Variants in ENTREP2 observed in about 807,000 individuals in gnomAD.
ENTREP2 encodes the protein endosomal transmembrane epsin interactor 2.
chr15:29,124,370 T>G, the ENTREP2 span, among the ~76,000 whole-genome samples: 1 of 152,266 alleles, frequency 6.6e-6, no homozygotes, highest in African/African-American at 2.4e-5. Flanking sequence ...TGGTGTCTTG[T>G]TTGGTGGCAA....
chr15:29,386,980 T>C, the ENTREP2 span, among the ~76,000 whole-genome samples: 4 of 152,342 alleles, frequency 2.6e-5, no homozygotes, highest in South Asian at 8.3e-4. Flanking sequence ...CCTAATTGAA[T>C]ACCCTTTATT....
chr15:29,654,732 T>C, the ENTREP2 span, among the ~76,000 whole-genome samples: 11,336 of 152,192 alleles, frequency 0.074, 1,329 homozygotes, highest in African/African-American at 0.25. Context: ...CTAAAAAAAA[T>C]TAGCCTGAAC....
At chr15:29,266,615 G>A in the ENTREP2 span, 5 of 151,820 alleles carry the variant, frequency 3.3e-5, no homozygotes, top group South Asian at 1.0e-3. Context: ...ATACATAATG[G>A]TGAGTGAGTA....
At chr15:29,477,318 G>A in the ENTREP2 span, among the ~76,000 whole-genome samples, 14 of 152,146 alleles carry the variant, frequency 9.2e-5, no homozygotes, top group African/African-American at 1.4e-4. Flanking sequence ...TTTGGGTGCC[G>A]GCTACACAGA....
At chr15:29,249,124 C>T in the ENTREP2 span, among the ~76,000 whole-genome samples, 2 of 152,058 alleles carry the variant, frequency 1.3e-5, no homozygotes, top group African/African-American at 4.8e-5. Flanking sequence ...GTCTGGCCAA[C>T]ATAGTGAAAC....
the ENTREP2 span, chr15:29,196,422 G>T: frequency 6.5e-7 from 1 of 1,549,720 alleles, no homozygotes; most frequent in Non-Finnish European, 8.7e-7. Flanking sequence ...AGCGCCCAGC[G>T]GGGTCACCTT....
chr15:29,313,240 G>T, the ENTREP2 span, among the ~76,000 whole-genome samples: 32,550 of 152,144 alleles, frequency 0.21, 6,711 homozygotes, highest in African/African-American at 0.55. Context: ...AAGTCCAGAA[G>T]ATCCAGCTAA....
the ENTREP2 span, among the ~76,000 whole-genome samples, chr15:29,167,962 T>TA: frequency 1.3e-5 from 2 of 152,076 alleles, no homozygotes; most frequent in Non-Finnish European, 2.9e-5. Flanking sequence ...GGAACGGTGG[T>TA]ATATATATAT....
the ENTREP2 span, among the ~76,000 whole-genome samples, chr15:29,183,537 A>G: frequency 8.5e-3 from 1,294 of 152,354 alleles, 17 homozygotes; most frequent in African/African-American, 0.029. Flanking sequence ...CCCAGTGTCC[A>G]TGAACAGGAG....
the ENTREP2 span, among the ~76,000 whole-genome samples, chr15:29,318,002 A>C: frequency 6.6e-6 from 1 of 152,218 alleles, no homozygotes; most frequent in Non-Finnish European, 1.5e-5. Flanking sequence ...GTCCACCGAA[A>C]CATGGCTCTC....
At chr15:29,326,369 T>C in the ENTREP2 span, among the ~76,000 whole-genome samples, 1 of 152,170 alleles carries the variant, frequency 6.6e-6, no homozygotes, top group Admixed American at 6.5e-5. Context: ...TAAGCTAGCA[T>C]AGGTCACAGG....
chr15:29,413,126 G>A, the ENTREP2 span, among the ~76,000 whole-genome samples: 1 of 152,012 alleles, frequency 6.6e-6, no homozygotes, highest in Non-Finnish European at 1.5e-5. Context: ...GTCAGAGAAT[G>A]TGATCTCCTT....
At chr15:29,523,561 A>AAT in the ENTREP2 span, among the ~76,000 whole-genome samples, 1 of 78,482 alleles carries the variant, frequency 1.3e-5, no homozygotes, top group African/African-American at 5.2e-5. Flanking sequence ...TCCCAGCTAG[A>AAT]TTTTTTTTTT....
the ENTREP2 span, among the ~76,000 whole-genome samples, chr15:29,631,637 T>C: frequency 6.6e-6 from 1 of 152,262 alleles, no homozygotes; most frequent in Admixed American, 6.5e-5. Context: ...ATCAGCTGTC[T>C]GCGCCAGACC....
At chr15:29,444,170 C>CACAGAAAGAAAG in the ENTREP2 span, among the ~76,000 whole-genome samples, 29 of 71,550 alleles carry the variant, frequency 4.1e-4, 3 homozygotes, top group Middle Eastern at 5.8e-3. Context: ...GAAAGACAGA[C>CACAGAAAGAAAG]AAAGAAAGAA....
the ENTREP2 span, chr15:29,269,711 C>T: frequency 2.0e-6 from 3 of 1,519,970 alleles, no homozygotes; most frequent in South Asian, 1.3e-5. Flanking sequence ...AACATGTCTC[C>T]GGCGGCAGGT....
At chr15:29,257,460 C>CG in the ENTREP2 span, among the ~76,000 whole-genome samples, 1 of 152,176 alleles carries the variant, frequency 6.6e-6, no homozygotes, top group Admixed American at 6.5e-5. Context: ...AGTGTTGCAA[C>CG]GAACTGCCTT....
chr15:29,206,356 G>A, the ENTREP2 span, among the ~76,000 whole-genome samples: 1 of 152,062 alleles, frequency 6.6e-6, no homozygotes. Context: ...CCATCACCAT[G>A]GAGGTTAGAA....
the ENTREP2 span, among the ~76,000 whole-genome samples, chr15:29,499,576 A>G: frequency 6.6e-6 from 1 of 150,572 alleles, no homozygotes; most frequent in Non-Finnish European, 1.5e-5. Flanking sequence ...AGGTCTCACT[A>G]TGTTGCCCAG....
Sources: allele counts gnomAD v4.1 joint callset (sites outside exome capture counted in the v4.1 genomes callset), GRCh38; gene constraint gnomAD v4.1.1; transcripts MANE v1.5; gene names NCBI Gene and HGNC (gene_info 2026-07-23, HGNC 2026-07-21).